WDFY3: variants seen among roughly 807,000 people sequenced by gnomAD.
WDFY3 encodes the protein WD repeat and FYVE domain containing 3.
A neutral mutation model predicts 409.6 loss-of-function variants in WDFY3; 66 were observed. The observed-to-expected ratio is 0.16, with a 90% CI of 0.13 to 0.20. WDFY3 has a LOEUF of 0.20. Ranked by LOEUF, WDFY3 falls within the 10% of genes least tolerant of loss-of-function variation. The probability of loss-of-function intolerance (pLI) is 1.00; values close to 1 mark genes in which losing one functional copy is unlikely to be tolerated. For missense variants in WDFY3, 3,031 were observed against 4,298.1 expected, an observed-to-expected ratio of 0.71 and a Z score of 8.24; for synonymous variants, 1,521 against 1,537.1, an observed-to-expected ratio of 0.99 and a Z score of 0.25.
intron 3 of WDFY3, among the ~76,000 whole-genome samples, chr4:84,865,402 T>C (rs1560956462): frequency 6.6e-6 from 1 of 152,234 alleles, no homozygotes; most frequent in Non-Finnish European, 1.5e-5. Context: ...GCTTTTAGCC[T>C]TCAGTGTTTG....
rs115730830 is a variant in WDFY3, at chr4:84,855,856, A to C, written c.180+4556T>G. On this transcript the variant is annotated intron_variant, in intron 4 of 67. Transcript: ENST00000295888. Reference sequence around the variant, plus strand: ...TGTTTCTATGAAGGACCATCAGATGAGAGTCTGAGAAGAACAGAATGCCTA... The same window carrying C: ...TGTTTCTATGAAGGACCATCAGATGCGAGTCTGAGAAGAACAGAATGCCTA... Among the ~76,000 whole-genome samples, 647 of 152,340 alleles carry C rather than the reference A, an allele frequency of 4.2e-3. 6 individuals carry two copies. Among genetic ancestry groups the C allele is most frequent in the African/African-American group, 0.015 (605 of 41,588 alleles).
At chr4:84,834,953 A>G (rs1053043097) in intron 7 of WDFY3, among the ~76,000 whole-genome samples, 13 of 152,210 alleles carry the variant, frequency 8.5e-5, no homozygotes, top group African/African-American at 2.9e-4. Context: ...AAAGTGATAC[A>G]CTAAAAGCAG....
intron 10 of WDFY3, among the ~76,000 whole-genome samples, chr4:84,823,277 TATG>T (rs1183212785): frequency 6.6e-6 from 1 of 152,124 alleles, no homozygotes; most frequent in Non-Finnish European, 1.5e-5. Flanking sequence ...TTCTACCCTC[TATG>T]ATAATAACTT....
chr4:84,765,961 T>C lies in WDFY3; in HGVS notation c.5037A>G (p.Leu1679=), dbSNP rs577140268. ...DWIMMFMEEH[L]HSTTVTAAMR... is the part of the protein sequence containing the mutation. ...TGGCTGCTGTAACTGTGGTGGAATG[T>C]AAGTGTTCCTCCATAAACATCATGA... Residue 1679 remains leucine (L), a synonymous_variant, in exon 32 of 68, where the codon TTA becomes TTG. Coordinates refer to ENST00000295888, the MANE Select transcript of WDFY3 (RefSeq NM_014991.6). 5 of 1,613,908 alleles carry C rather than the reference T, an allele frequency of 3.1e-6. No individual in the cohort carries two copies. The South Asian group carries it at 4.4e-5, about 14-fold the overall frequency.
chr4:84,857,806 C>T (rs916688937), intron 4 of WDFY3, among the ~76,000 whole-genome samples: 7 of 152,134 alleles, frequency 4.6e-5, no homozygotes, highest in Admixed American at 6.5e-5. Context: ...TCTATAAATG[C>T]GTTAATGTTT....
chr4:84,769,230 G>C (rs1229739945), intron 30 of WDFY3, among the ~76,000 whole-genome samples: 3 of 152,136 alleles, frequency 2.0e-5, no homozygotes, highest in African/African-American at 7.2e-5. Context: ...AAAGGACTCA[G>C]AATATTACAT....
chr4:84,947,921 G>T (rs575851911), intron 1 of WDFY3, among the ~76,000 whole-genome samples: 3 of 151,880 alleles, frequency 2.0e-5, no homozygotes, highest in Non-Finnish European at 4.4e-5. Context: ...TAAAATTCCT[G>T]CTAATGAGAT....
intron 6 of WDFY3, among the ~76,000 whole-genome samples, chr4:84,837,744 T>A (rs1756791758): frequency 6.6e-6 from 1 of 152,190 alleles, no homozygotes; most frequent in Non-Finnish European, 1.5e-5. Flanking sequence ...AAATTTTCCA[T>A]GGTGCAGTTT....
intron 13 of WDFY3, among the ~76,000 whole-genome samples, chr4:84,814,709 G>C (rs1262960125): frequency 6.6e-6 from 1 of 152,090 alleles, no homozygotes. Context: ...AAGCACAAGA[G>C]TAGTGACACT....
intron 2 of WDFY3, among the ~76,000 whole-genome samples, chr4:84,901,291 C>A (rs558662599): frequency 2.0e-5 from 3 of 152,196 alleles, no homozygotes; most frequent in African/African-American, 7.2e-5. Context: ...AGAGGTGGGG[C>A]CTTTGACTGG....
Position 84,831,681 on chromosome 4 carries a change from G to A in WDFY3, c.577-76C>T, listed in dbSNP as rs1215537121. ...ATCTGATTTAAAAATGGGCAAATGA[G>A]CTGAATGGACTGCTCTCAAAAGAAG... On this transcript the variant is annotated intron_variant, in intron 7 of 67. Transcript: ENST00000295888. 6 of 1,365,218 alleles carry A rather than the reference G, an allele frequency of 4.4e-6. No individual in the cohort carries two copies. The Admixed American group carries it at 1.3e-4, about 31-fold the overall frequency. 84.6% of individuals were successfully genotyped at this position (1,365,218 alleles called of 1,614,324 possible).
At chr4:84,827,922 C>T (rs1755087858) in intron 9 of WDFY3, among the ~76,000 whole-genome samples, 1 of 152,030 alleles carries the variant, frequency 6.6e-6, no homozygotes. Flanking sequence ...TTGGCACCAG[C>T]CTGGGCAACA....
At chr4:84,811,279 G>A (rs1578631779) in intron 13 of WDFY3, among the ~76,000 whole-genome samples, 1 of 152,150 alleles carries the variant, frequency 6.6e-6, no homozygotes, top group Admixed American at 6.5e-5. Context: ...GATTACAGGC[G>A]TGAGCCACCG....
intron 32 of WDFY3, among the ~76,000 whole-genome samples, chr4:84,758,137 C>T (rs903399600): frequency 6.6e-6 from 1 of 152,186 alleles, no homozygotes; most frequent in Non-Finnish European, 1.5e-5. Flanking sequence ...GTACTCAGTA[C>T]ACAGTGAATG....
chr4:84,744,921 CAT>C (rs1560647562), intron 36 of WDFY3, among the ~76,000 whole-genome samples: 1 of 136,546 alleles, frequency 7.3e-6, no homozygotes, highest in Non-Finnish European at 1.6e-5. Context: ...TCAGCAAAGA[CAT>C]ATGTTTTCCT....
chr4:84,927,033 C>T (rs1770087873), intron 2 of WDFY3, among the ~76,000 whole-genome samples: 1 of 152,188 alleles, frequency 6.6e-6, no homozygotes, highest in African/African-American at 2.4e-5. Context: ...TATACTATGA[C>T]TTAAACGTCC....
chr4:84,874,878 C>T (rs1223752523), intron 3 of WDFY3, among the ~76,000 whole-genome samples: 2 of 152,126 alleles, frequency 1.3e-5, no homozygotes, highest in Non-Finnish European at 2.9e-5. Flanking sequence ...GATGGTTTAG[C>T]CTACTACAAA....
At position 84,821,362 on chromosome 4, in the gene WDFY3, G is replaced by C; in HGVS notation, c.1313C>G (p.Pro438Arg). Reference protein sequence around the residue: ...SQFAEKISKLPEVQNKYFEML... With the variant: ...SQFAEKISKLREVQNKYFEML... ...CTCAAAGTATTTGTTTTGTACTTCT[G>C]GGAGTTTAGAAATCTTCTCTGCAAA... is the stretch of plus-strand genomic sequence containing the variant. Residue 438 changes from proline to arginine, a missense_variant, in exon 11 of 68, where the codon CCA becomes CGA. This residue lies in a region of WDFY3 where 1,322 missense variants were observed against 1,697.9 expected (regional missense o/e 0.78). Coordinates refer to ENST00000295888, the MANE Select transcript of WDFY3 (RefSeq NM_014991.6). The C allele has an allele frequency of 1.2e-6, 2 of 1,613,796 alleles. No homozygotes were observed. Among genetic ancestry groups the C allele is most frequent in the South Asian group, 2.2e-5 (2 of 91,074 alleles).
chr4:84,735,519 T>C (rs1192473745), intron 42 of WDFY3, among the ~76,000 whole-genome samples: 2 of 152,232 alleles, frequency 1.3e-5, no homozygotes, highest in Non-Finnish European at 2.9e-5. Context: ...GCTGAGGCTG[T>C]CACTAGACCA....
Sources: allele counts gnomAD v4.1 joint callset (sites outside exome capture counted in the v4.1 genomes callset), GRCh38; gene constraint gnomAD v4.1.1; regional missense constraint gnomAD v4.1.1; transcripts MANE v1.5; gene names NCBI Gene and HGNC (gene_info 2026-07-23, HGNC 2026-07-21).